The following BDH1 variants were observed in gnomAD, a reference collection of about 807,000 sequenced individuals.
BDH1 encodes the protein D-beta-hydroxybutyrate dehydrogenase, mitochondrial.
Under a neutral mutation model 33.1 loss-of-function variants are expected in BDH1, and 30 were observed. The ratio of observed to expected loss-of-function variants is 0.91; its 90% CI spans 0.68 to 1.23. The LOEUF (loss-of-function observed/expected upper bound fraction) is 1.23. Among genes scored for constraint, BDH1 ranks in the 50% most tolerant of loss-of-function variants. The pLI, the probability that BDH1 is intolerant of heterozygous loss-of-function variation, is 0.00. For synonymous variants in BDH1, 190 were observed against 183.6 expected (o/e 1.03, Z -0.28); for missense variants, 443 against 464.4 (o/e 0.95, Z 0.42).
At position 197,514,061 on chromosome 3, in the gene BDH1, C is replaced by T. The variant is rs1712404112; in HGVS notation, c.562+203G>A. ...TGCTGCATGGACCACTGACCTCTTACCTGCTCTGCTTCCTCCTCCCCTACC... is the reference window on the plus strand; with the variant it reads ...TGCTGCATGGACCACTGACCTCTTATCTGCTCTGCTTCCTCCTCCCCTACC... On this transcript the variant is annotated intron_variant, in intron 7 of 7. Transcript: ENST00000392379. This position sits in a 1 kb window ranked among gnomAD's most constrained non-coding sequence, Gnocchi z 4.2. 3.2e-6 allele frequency: 2 copies of T among 622,182 alleles called. No individual in the cohort carries two copies. Among genetic ancestry groups the T allele is most frequent in the African/African-American group, 1.9e-5 (1 of 53,870 alleles). The allele number at this position is 622,182 out of a possible 1,614,324, so 38.5% of individuals were successfully genotyped here. A position where few individuals can be genotyped will look rare whatever the true frequency, so the allele number is the denominator to read the frequency against.
At chr3:197,558,778 T>A (rs866545607), upstream of BDH1, among the ~76,000 whole-genome samples, 1 of 152,216 alleles carries the variant, frequency 6.6e-6, no homozygotes, top group Non-Finnish European at 1.5e-5. Context: ...GCTTAGGATG[T>A]GGCGAGGCCA....
At chr3:197,561,609 C>T (rs1717264001) in intron 1 of BDH1, among the ~76,000 whole-genome samples, 1 of 152,150 alleles carries the variant, frequency 6.6e-6, no homozygotes, top group South Asian at 2.1e-4. Flanking sequence ...CATTAGAGTG[C>T]TCAGTGATCA....
At chr3:197,531,656 A>G (rs1029000789) in intron 5 of BDH1, among the ~76,000 whole-genome samples, 1 of 152,024 alleles carries the variant, frequency 6.6e-6, no homozygotes, top group Admixed American at 6.6e-5. Flanking sequence ...AAAGAAATAG[A>G]AATCAGTGGC....
rs981876668 is a variant in BDH1, at chr3:197,520,588, G to A, written c.409+2052C>T. 5.3e-5 allele frequency among the ~76,000 whole-genome samples: 8 copies of A among 152,148 alleles called. No homozygotes were observed. Among genetic ancestry groups the A allele is most frequent in the Non-Finnish European group, 1.2e-4 (8 of 68,030 alleles). ...CAGCCTGAGCAAGCCGGCCTGGTGC[G>A]TTCTCTGCTTGGGTCTCCGGTGATG... On this transcript the variant is annotated intron_variant, in intron 6 of 7. Coordinates refer to ENST00000392379, the MANE Select transcript of BDH1 (RefSeq NM_203314.3). This position sits in a 1 kb window ranked among gnomAD's most constrained non-coding sequence, Gnocchi z 6.0.
intron 5 of BDH1, among the ~76,000 whole-genome samples, chr3:197,531,461 GTATATA>G (rs1197877220): frequency 7.0e-6 from 1 of 142,996 alleles, no homozygotes; most frequent in Non-Finnish European, 1.5e-5. Context: ...ATACATATAT[GTATATA>G]TATATAGCAT....
chr3:197,565,882 G>C (rs1717416473), intron 1 of BDH1, among the ~76,000 whole-genome samples: 1 of 152,158 alleles, frequency 6.6e-6, no homozygotes, highest in Non-Finnish European at 1.5e-5. Context: ...AAACTTTCAG[G>C]ACTCTCATGG....
In BDH1 at chr3:197,512,363, G is replaced by A. The variant is rs141633234; in HGVS notation, c.564C>T (p.Gly188=). 2.5e-6 allele frequency: 4 copies of A among 1,600,862 alleles called. No homozygotes were observed. The highest frequency in any genetic ancestry group is 2.5e-6 in the Non-Finnish European group (3 of 1,176,622). Residue 188 remains glycine (G), a splice_region_variant and synonymous_variant, in exon 8 of 8, where the codon GGC becomes GGT. Coordinates refer to ENST00000392379, the MANE Select transcript of BDH1 (RefSeq NM_203314.3). The part of the protein sequence containing the change: ...SFLPLIRRAK[G]RVVNISSMLG... ...GCATGCTGCTGATATTGACGACGCG[G>A]CCTACAGAGGGAGACAGAGGTACCT...
rs562414342 is a variant in BDH1 at position 197,543,015 on chromosome 3, C to A, written c.83+3346G>T. The A allele has an allele frequency of 4.1e-6, 4 of 985,418 alleles. No individual in the cohort carries two copies. In the South Asian group the frequency reaches 1.4e-4, roughly 35 times the overall value. 61.0% of individuals were successfully genotyped at this position (985,418 alleles called of 1,614,324 possible). ...TGGTCATCCCGGCCGCATTTGAGAGCGCTCCCTATGCTGGCCAGGGCGTTC... is the reference window on the plus strand; with the variant it reads ...TGGTCATCCCGGCCGCATTTGAGAGAGCTCCCTATGCTGGCCAGGGCGTTC... On this transcript the variant is annotated intron_variant, in intron 3 of 7. Transcript: ENST00000392379.
intron 2 of BDH1, among the ~76,000 whole-genome samples, chr3:197,549,986 T>TATATATATATATATATATATATATATATA (rs3061417): frequency 6.0e-5 from 9 of 149,574 alleles, no homozygotes; most frequent in South Asian, 2.1e-4. Flanking sequence ...TATATATATA[T>TATATATATATATATATATATATATATATA]TTGGCCATTC....
chr3:197,572,990 C>T (rs1181433305), intron 1 of BDH1, among the ~76,000 whole-genome samples: 1 of 152,210 alleles, frequency 6.6e-6, no homozygotes, highest in African/African-American at 2.4e-5. Flanking sequence ...ACAGAGCCTG[C>T]TATTTCAAAA....
intron 2 of BDH1, among the ~76,000 whole-genome samples, chr3:197,552,790 A>G (rs1716676609): frequency 6.6e-6 from 1 of 151,738 alleles, no homozygotes; most frequent in South Asian, 2.1e-4. Flanking sequence ...GTACATATTT[A>G]TCTTGTTTGT....
chr3:197,542,490 G>C (rs1223740128), intron 3 of BDH1, among the ~76,000 whole-genome samples: 2 of 150,128 alleles, frequency 1.3e-5, no homozygotes, highest in Non-Finnish European at 2.9e-5. Flanking sequence ...AGTTAAGCTC[G>C]AGATGGTCAA....
chr3:197,540,049 A>G (rs1291770758), intron 3 of BDH1, among the ~76,000 whole-genome samples: 1 of 150,210 alleles, frequency 6.7e-6, no homozygotes, highest in African/African-American at 2.4e-5. Flanking sequence ...TAAGGGCCAC[A>G]CCCTTAGCAC....
At position 197,523,087 on chromosome 3, in the gene BDH1, G is replaced by C; in HGVS notation, c.268-306C>G. On this transcript the variant is annotated intron_variant, in intron 5 of 7. Transcript: ENST00000392379. This position sits in a 1 kb window ranked among gnomAD's most constrained non-coding sequence, Gnocchi z 4.5. ...GCAAACTTATGTGGGGCAGGCGGGG[G>C]CCCTGGGGAGTACAGGACATGTCAG... The C allele has an allele frequency of 2.6e-6, 1 of 382,248 alleles. No homozygotes were observed. Among genetic ancestry groups the C allele is most frequent in the East Asian group, 4.4e-5 (1 of 22,578 alleles). 23.7% of individuals were successfully genotyped at this position (382,248 alleles called of 1,614,324 possible).
rs934806897 is a variant in BDH1, at chr3:197,516,919, G to A, written c.410-2503C>T. On this transcript the variant is annotated intron_variant, in intron 6 of 7. Transcript: ENST00000392379. The surrounding 1 kb of genome is among the most constrained non-coding windows in gnomAD (Gnocchi z 4.2). ...ATAGATCCTAAATTGTCTCATATCCGGTTGAGGCAACTGAAGCTCAGAGAG... is the reference window on the plus strand; with the variant it reads ...ATAGATCCTAAATTGTCTCATATCCAGTTGAGGCAACTGAAGCTCAGAGAG... Among the ~76,000 whole-genome samples the A allele has an allele frequency of 7.9e-5, 12 of 152,158 alleles. No individual in the cohort carries two copies. The highest frequency in any genetic ancestry group is 3.9e-4 in the East Asian group (2 of 5,174).
rs377268604 is a variant in BDH1 at position 197,536,699 on chromosome 3, G to A, written c.84-3138C>T. Among the ~76,000 whole-genome samples, 5 of 152,134 alleles carry A rather than the reference G, an allele frequency of 3.3e-5. No individual in the cohort carries two copies. In the East Asian group the frequency reaches 5.8e-4, roughly 18 times the overall value. ...CTACTAAAAATACAAAAAACCAGCC[G>A]GGCATGGTGAGGGGGTGCCTGTAAT... On this transcript the variant is annotated intron_variant, in intron 3 of 7. Transcript: ENST00000392379.
rs574866415 is a variant in BDH1, at chr3:197,553,128, G to A, written c.-44+1434C>T. Among the ~76,000 whole-genome samples the A allele has an allele frequency of 1.8e-4, 27 of 151,586 alleles. No homozygotes were observed. In the East Asian group the frequency reaches 4.1e-3, roughly 23 times the overall value. ...AGACGGAGTTTCACCATGTTGGCCC[G>A]GCTGGTCTCAAACTCCTAACCTCAA... On this transcript the variant is annotated intron_variant, in intron 2 of 7. Transcript: ENST00000392379.
chr3:197,556,106 C>G (rs750928151), upstream of BDH1: 2 of 152,226 alleles, frequency 1.3e-5, no homozygotes, highest in Admixed American at 1.3e-4. Context: ...GCTAGGCTCC[C>G]GGTGCGGCCG....
At chr3:197,562,160 G>A (rs1717283715) in intron 1 of BDH1, among the ~76,000 whole-genome samples, 1 of 152,214 alleles carries the variant, frequency 6.6e-6, no homozygotes, top group Non-Finnish European at 1.5e-5. Flanking sequence ...TGGCAGACGA[G>A]AACTACAAAG....
Sources: gnomAD v4.1 joint callset for allele counts (sites outside exome capture counted in the v4.1 genomes callset) on GRCh38, gnomAD v4.1.1 for gene constraint, Gnocchi (gnomAD v3.1) non-coding constraint, MANE v1.5 for transcripts, NCBI Gene and HGNC (gene_info 2026-07-23, HGNC 2026-07-21) for gene names.